Variants in PARP12 observed in about 807,000 individuals in gnomAD.
The protein encoded by PARP12 is protein mono-ADP-ribosyltransferase PARP12.
In PARP12, 59 loss-of-function variants were observed where a neutral mutation model predicts 72.4. The ratio of observed to expected loss-of-function variants is 0.81; its 90% CI spans 0.66 to 1.01. The LOEUF is 1.01. Among genes scored for constraint, PARP12 ranks in the 50% least tolerant of loss-of-function variants. PARP12 has a pLI of 0.00. For missense variants in PARP12, 851 were observed against 914.0 expected, an observed-to-expected ratio of 0.93 and a Z score of 0.89; for synonymous variants, 403 against 371.4, an observed-to-expected ratio of 1.09 and a Z score of -0.98.
intron 8 of PARP12, chr7:140,033,840 A>T (rs556626527): frequency 9.1e-6 from 9 of 988,142 alleles, no homozygotes; most frequent in Non-Finnish European, 1.1e-5. Flanking sequence ...ATATTCAAAT[A>T]CTAAAATACA....
At chr7:140,041,041 T>C (rs1225720790) in intron 6 of PARP12, among the ~76,000 whole-genome samples, 1 of 152,210 alleles carries the variant, frequency 6.6e-6, no homozygotes, top group African/African-American at 2.4e-5. Flanking sequence ...GTGCTGGGAT[T>C]GTAGGCATGA....
chr7:140,030,030 A>G (rs1815881005), intron 8 of PARP12, among the ~76,000 whole-genome samples: 1 of 152,258 alleles, frequency 6.6e-6, no homozygotes, highest in South Asian at 2.1e-4. Flanking sequence ...TAAGAAGCCC[A>G]AAGAATCTCA....
chr7:140,041,077 A>G (rs916304523), intron 6 of PARP12, among the ~76,000 whole-genome samples: 4 of 152,126 alleles, frequency 2.6e-5, no homozygotes, highest in African/African-American at 9.7e-5. Context: ...CTAAACTTGT[A>G]TTTCTATAAG....
At chr7:140,048,531 T>C (rs560026091) in intron 4 of PARP12, among the ~76,000 whole-genome samples, 1 of 152,260 alleles carries the variant, frequency 6.6e-6, no homozygotes, top group East Asian at 1.9e-4. Context: ...CTCTGAGATA[T>C]TTGCTCTAAG....
At chr7:140,052,130 TACC>T (rs1354227205) in intron 4 of PARP12, among the ~76,000 whole-genome samples, 1 of 152,228 alleles carries the variant, frequency 6.6e-6, no homozygotes, top group Non-Finnish European at 1.5e-5. Context: ...AGGATCTTGA[TACC>T]ACTTGTTTAA....
intron 8 of PARP12, among the ~76,000 whole-genome samples, chr7:140,032,223 C>T (rs990129947): frequency 1.1e-4 from 16 of 152,172 alleles, no homozygotes; most frequent in African/African-American, 3.6e-4. Context: ...AGCCTGACAA[C>T]TCACTCTGTG....
At chr7:140,049,893 G>A (rs992330957) in intron 4 of PARP12, among the ~76,000 whole-genome samples, 2 of 151,982 alleles carry the variant, frequency 1.3e-5, no homozygotes, top group Non-Finnish European at 2.9e-5. Flanking sequence ...TTCTTTTCCC[G>A]CCTTCTAATG....
intron 2 of PARP12, 168 bp downstream of exon 2, chr7:140,057,731 G>T: frequency 1.1e-6 from 1 of 911,182 alleles, no homozygotes; most frequent in Non-Finnish European, 1.6e-6. Flanking sequence ...GGCAAAGCTG[G>T]CCCTTGAACT....
chr7:140,043,533 T>C (rs371512782), intron 5 of PARP12, among the ~76,000 whole-genome samples: 1 of 152,266 alleles, frequency 6.6e-6, no homozygotes, highest in South Asian at 2.1e-4. Flanking sequence ...TTTTTTTTAA[T>C]TTTTTATTTT....
chr7:140,041,388 T>C (rs1263657810), intron 6 of PARP12: 9 of 373,696 alleles, frequency 2.4e-5, no homozygotes, highest in East Asian at 4.8e-5. Flanking sequence ...ATGAAGAAAC[T>C]TGATCTCACT....
chr7:140,029,591 A>G (rs955613585), intron 8 of PARP12, among the ~76,000 whole-genome samples: 1 of 152,226 alleles, frequency 6.6e-6, no homozygotes, highest in African/African-American at 2.4e-5. Context: ...AAGACTTAAG[A>G]TGCTGAAATT....
At chr7:140,037,152 G>A (rs938018633) in intron 7 of PARP12, among the ~76,000 whole-genome samples, 1 of 152,160 alleles carries the variant, frequency 6.6e-6, no homozygotes, top group African/African-American at 2.4e-5. Flanking sequence ...ATGAAACCCC[G>A]TCTCTATGAA....
chr7:140,035,270 C>T (rs1483271473), intron 7 of PARP12, among the ~76,000 whole-genome samples: 2 of 152,128 alleles, frequency 1.3e-5, no homozygotes, highest in Non-Finnish European at 2.9e-5. Context: ...CAACCATGAC[C>T]CCTTCTGTTA....
At chr7:140,027,576 G>C (rs1815784147) in intron 9 of PARP12, 170 bp from the exon 10 acceptor site, 1 of 674,914 alleles carries the variant, frequency 1.5e-6, no homozygotes, top group Non-Finnish European at 2.4e-6. Context: ...CGGTCCTCAT[G>C]AAATGTCATT....
At chr7:140,061,480 A>C (rs1817441705) in intron 1 of PARP12, among the ~76,000 whole-genome samples, 1 of 152,206 alleles carries the variant, frequency 6.6e-6, no homozygotes, top group Non-Finnish European at 1.5e-5. Context: ...ACAGGGAGCA[A>C]GCAAGAAAGG....
chr7:140,046,171 A>G (rs765474025), intron 5 of PARP12, among the ~76,000 whole-genome samples: 12 of 152,224 alleles, frequency 7.9e-5, no homozygotes, highest in Admixed American at 1.3e-4. Flanking sequence ...TATGTGAACC[A>G]TTTAATCCTC....
At chr7:140,051,017 A>T (rs1434987368) in intron 4 of PARP12, among the ~76,000 whole-genome samples, 1 of 152,198 alleles carries the variant, frequency 6.6e-6, no homozygotes, top group Non-Finnish European at 1.5e-5. Context: ...TATTCAAGCA[A>T]ATCTATAGAG....
intron 3 of PARP12, 41 bp from the exon 4 acceptor site, chr7:140,054,804 G>A (rs752460642): frequency 2.4e-5 from 36 of 1,499,752 alleles, no homozygotes; most frequent in Non-Finnish European, 3.3e-5. Flanking sequence ...CTTCTGATAT[G>A]GGGTATAAAA....
At chr7:140,047,558 T>C (rs1816782319) in intron 4 of PARP12, among the ~76,000 whole-genome samples, 1 of 152,202 alleles carries the variant, frequency 6.6e-6, no homozygotes, top group African/African-American at 2.4e-5. Flanking sequence ...AGGTACTCTG[T>C]TATAAGCAAC....
Sources: allele counts gnomAD v4.1 joint callset (sites outside exome capture counted in the v4.1 genomes callset), GRCh38; gene constraint gnomAD v4.1.1; transcripts MANE v1.5; gene names NCBI Gene and HGNC (gene_info 2026-07-23, HGNC 2026-07-21).